Variants in RGS22 observed in about 807,000 individuals in gnomAD.
The protein encoded by RGS22 is regulator of G-protein signaling 22.
In RGS22, 148 loss-of-function variants were observed where a neutral mutation model predicts 172.9. That is an observed-to-expected ratio of 0.86 (90% CI 0.75 to 0.98). The LOEUF (loss-of-function observed/expected upper bound fraction) is 0.98. Among genes scored for constraint, RGS22 ranks in the 50% least tolerant of loss-of-function variants. The pLI is 0.00. For synonymous variants in RGS22, 458 were observed against 480.2 expected (o/e 0.95, Z 0.60); for missense variants, 1,347 against 1,440.8 (o/e 0.93, Z 1.05).
chr8:100,000,450 T>C (rs1414139798), intron 18 of RGS22, among the ~76,000 whole-genome samples: 1 of 152,184 alleles, frequency 6.6e-6, no homozygotes, highest in Non-Finnish European at 1.5e-5. Flanking sequence ...AACTGAAATC[T>C]GGACTAGCAC....
intron 22 of RGS22, among the ~76,000 whole-genome samples, chr8:99,978,647 G>A (rs956913183): frequency 6.6e-6 from 1 of 152,140 alleles, no homozygotes; most frequent in Non-Finnish European, 1.5e-5. Context: ...AAGCAGAACG[G>A]TATCCTGGAC....
rs1817956303 is a variant in RGS22 at position 100,024,457 on chromosome 8, T to C, written c.2166+14474A>G. Among the ~76,000 whole-genome samples the C allele has an allele frequency of 2.6e-5, 4 of 152,158 alleles. No individual in the cohort carries two copies. The South Asian group carries it at 8.3e-4, about 32-fold the overall frequency. On this transcript the variant is annotated intron_variant, in intron 14 of 27. Coordinates refer to ENST00000360863, the MANE Select transcript of RGS22 (RefSeq NM_015668.5). ...CTACAAATATAAACATGCCAATGAG[T>C]TCATGAATTTTTTCAATACCTATCA...
intron 20 of RGS22, among the ~76,000 whole-genome samples, chr8:99,989,703 G>C (rs1023800879): frequency 4.6e-5 from 7 of 152,124 alleles, no homozygotes; most frequent in Admixed American, 1.3e-4. Context: ...AAATAAGCCA[G>C]GTGTGGTGGT....
intron 4 of RGS22, among the ~76,000 whole-genome samples, chr8:100,078,066 T>C (rs1811484732): frequency 6.6e-6 from 1 of 152,216 alleles, no homozygotes; most frequent in Non-Finnish European, 1.5e-5. Flanking sequence ...CATAATTGCA[T>C]AGTATACCTT....
In RGS22 at chr8:99,962,559, G is replaced by C. The variant is rs925007406; in HGVS notation, c.3791-116C>G. The C allele has an allele frequency of 4.9e-6, 7 of 1,414,732 alleles. No homozygotes were observed. In the Admixed American group the frequency reaches 1.1e-4, roughly 22 times the overall value. The allele number at this position is 1,414,732 out of a possible 1,614,324, so 87.6% of individuals were successfully genotyped here. A position where few individuals can be genotyped will look rare whatever the true frequency, so the allele number is the denominator to read the frequency against. On this transcript the variant is annotated intron_variant, in intron 26 of 27. Coordinates refer to ENST00000360863, the MANE Select transcript of RGS22 (RefSeq NM_015668.5). ...ACACGGAGAAATTCTCCTAAGTTGGGGGGCAGAATAGGGTGGAGGGGTCGG... is the reference window on the plus strand; with the variant it reads ...ACACGGAGAAATTCTCCTAAGTTGGCGGGCAGAATAGGGTGGAGGGGTCGG...
chr8:100,076,935 G>A (rs920954310), intron 4 of RGS22, among the ~76,000 whole-genome samples: 2 of 152,222 alleles, frequency 1.3e-5, no homozygotes, highest in Admixed American at 6.5e-5. Flanking sequence ...GGAGAGTGCA[G>A]TGAGCTGAGA....
intron 14 of RGS22, among the ~76,000 whole-genome samples, chr8:100,029,082 C>T (rs535058298): frequency 8.7e-4 from 132 of 152,208 alleles, no homozygotes; most frequent in African/African-American, 3.1e-3. Flanking sequence ...TGACTGCCAA[C>T]AAAAATCTGA....
At position 99,996,525 on chromosome 8, in the gene RGS22, C is replaced by T. The variant is rs1004502425; in HGVS notation, c.2955G>A (p.Gln985=). The T allele has an allele frequency of 1.2e-6, 2 of 1,612,910 alleles. No homozygotes were observed. The highest frequency in any genetic ancestry group is 8.5e-7 in the Non-Finnish European group (1 of 1,179,274). The change falls in exon 20 of 28, where the codon CAG becomes CAA. Residue 985 remains glutamine, a synonymous_variant. Transcript: ENST00000360863. ...AGAGCTCTTCTGCTATGTCTTTCAT[C>T]TGTACCTGAAAGCAAAACCAATTAT... is the stretch of plus-strand genomic sequence containing the variant. ...QFAARQKIKV[Q]MKDIAEELLL...
In RGS22 at chr8:100,085,081, C is replaced by T. The variant is rs184079609; in HGVS notation, c.118-4726G>A. Among the ~76,000 whole-genome samples the T allele has an allele frequency of 1.9e-3, 293 of 152,218 alleles. 1 individual carries two copies. The highest frequency in any genetic ancestry group is 3.0e-3 in the Non-Finnish European group (206 of 68,004). ...AAGAAATGTTGGGCAAATCACTTTGCCTTTCTGAGACATATCAGTAAAAAG... is the reference window on the plus strand; with the variant it reads ...AAGAAATGTTGGGCAAATCACTTTGTCTTTCTGAGACATATCAGTAAAAAG... On this transcript the variant is annotated intron_variant, in intron 3 of 27. Transcript: ENST00000360863.
chr8:100,023,848 T>C (rs1051386842), intron 14 of RGS22: 1 of 152,362 alleles, frequency 6.6e-6, no homozygotes, highest in Non-Finnish European at 1.5e-5. Flanking sequence ...TACACATTCA[T>C]TTCCTAGTTC....
chr8:100,071,458 T>C lies in RGS22; in HGVS notation c.505A>G (p.Ile169Val). The C allele has an allele frequency of 6.2e-7, 1 of 1,613,322 alleles. No homozygotes were observed. Residue 169 changes from isoleucine (I) to valine (V), a missense_variant, in exon 6 of 28, where the codon ATC becomes GTC. Ile to Val is a conservative substitution (Grantham distance 29, BLOSUM62 3). Transcript: ENST00000360863. ...FTVGSNFSPW[I>V]VKKPPSLPPP... Reference sequence around the variant, plus strand: ...GGTAGACTGGGTGGTTTTTTCACGATCCAGGGAGAAAAATTTGATCCTACT... The same window carrying C: ...GGTAGACTGGGTGGTTTTTTCACGACCCAGGGAGAAAAATTTGATCCTACT...
chr8:100,027,794 A>G (rs893631069), intron 14 of RGS22, among the ~76,000 whole-genome samples: 2 of 152,040 alleles, frequency 1.3e-5, no homozygotes, highest in African/African-American at 4.8e-5. Context: ...AATGTAGTAT[A>G]TTTTAATTTA....
chr8:99,966,719 A>T (rs1298096032), intron 23 of RGS22, among the ~76,000 whole-genome samples: 1 of 152,222 alleles, frequency 6.6e-6, no homozygotes, highest in Non-Finnish European at 1.5e-5. Flanking sequence ...ATTAGTCTTT[A>T]AAAATGATAA....
intron 20 of RGS22, among the ~76,000 whole-genome samples, chr8:99,993,589 C>T (rs1032408764): frequency 6.6e-6 from 1 of 152,070 alleles, no homozygotes; most frequent in African/African-American, 2.4e-5. Context: ...TCTGAATAGA[C>T]CAAAAACAGG....
chr8:100,071,987 A>G (rs1248866590), intron 5 of RGS22, among the ~76,000 whole-genome samples, 158 bp downstream of exon 5: 11 of 152,260 alleles, frequency 7.2e-5, no homozygotes. Flanking sequence ...TCTTGAAGCC[A>G]GGAGTTCGAG....
chr8:100,072,264 C>A, intron 4 of RGS22, 34 bp from the exon 5 acceptor site: 3 of 1,365,970 alleles, frequency 2.2e-6, no homozygotes, highest in South Asian at 2.5e-5. Flanking sequence ...AAAAGAAGGT[C>A]AGAGAAAATC....
At chr8:100,025,624 A>G (rs1270229820) in intron 14 of RGS22, among the ~76,000 whole-genome samples, 1 of 152,240 alleles carries the variant, frequency 6.6e-6, no homozygotes, top group African/African-American at 2.4e-5. Flanking sequence ...ACCACCCTGA[A>G]GTATTTAGGT....
At chr8:100,079,529 CATT>C (rs1291664531) in intron 4 of RGS22, among the ~76,000 whole-genome samples, 1 of 152,108 alleles carries the variant, frequency 6.6e-6, no homozygotes, top group African/African-American at 2.4e-5. Flanking sequence ...GTTAAACATT[CATT>C]ATTATTTTCA....
chr8:100,084,545 C>G (rs1488958964), intron 3 of RGS22, among the ~76,000 whole-genome samples: 1 of 152,112 alleles, frequency 6.6e-6, no homozygotes, highest in African/African-American at 2.4e-5. Context: ...AATGTTTATA[C>G]TTTTAAACTT....
Sources: gnomAD v4.1 joint callset for allele counts (sites outside exome capture counted in the v4.1 genomes callset) on GRCh38, gnomAD v4.1.1 for gene constraint, MANE v1.5 for transcripts, NCBI Gene and HGNC (gene_info 2026-07-23, HGNC 2026-07-21) for gene names.